MCTP1: variants seen among roughly 807,000 people sequenced by gnomAD.
The protein encoded by MCTP1 is multiple C2 and transmembrane domain-containing protein 1.
In MCTP1, 69 loss-of-function variants were observed where a neutral mutation model predicts 120.6. That is an observed-to-expected ratio of 0.57 (90% CI 0.47 to 0.70). The LOEUF (loss-of-function observed/expected upper bound fraction) is 0.70. MCTP1 is among the 30% of genes least tolerant of loss of function. MCTP1 has a pLI of 0.00. For synonymous variants in MCTP1, 529 were observed against 493.1 expected (o/e 1.07, Z -0.96); for missense variants, 1,203 against 1,248.8 (o/e 0.96, Z 0.55).
intron 2 of MCTP1, chr5:94,976,954 G>C (rs554219345): frequency 6.6e-6 from 1 of 152,110 alleles, no homozygotes; most frequent in African/African-American, 2.4e-5. Context: ...ATTCAACATA[G>C]GACTAGAAGT....
intron 19 of MCTP1, among the ~76,000 whole-genome samples, chr5:94,724,221 T>C (rs1420795782): frequency 1.3e-5 from 2 of 151,544 alleles, no homozygotes; most frequent in Non-Finnish European, 2.9e-5. Flanking sequence ...GGAGGGAGAG[T>C]TCCCTGGAGC....
chr5:94,867,710 G>T (rs1223331874), intron 17 of MCTP1: 1 of 241,020 alleles, frequency 4.1e-6, no homozygotes, highest in Non-Finnish European at 7.9e-6. Flanking sequence ...TCTGCCAGTT[G>T]GTCTCATCAG....
rs1012802017 is a variant in MCTP1, at chr5:94,705,460, T to C, written c.*2036A>G. The C allele has an allele frequency of 9.5e-5, 14 of 147,074 alleles. No homozygotes were observed. The highest frequency in any genetic ancestry group is 4.0e-4 in the East Asian group (2 of 5,002). 9.1% of individuals were successfully genotyped at this position (147,074 alleles called of 1,614,324 possible). A position where few individuals can be genotyped will look rare whatever the true frequency, so the allele number is the denominator to read the frequency against. ...AATCTGTTTTTCTCCAAGTGACATA[T>C]AGTTTTTAAGAATATGCACACAATC... On this transcript the variant is annotated 3_prime_UTR_variant, in exon 23 of 23. Coordinates refer to ENST00000515393, the MANE Select transcript of MCTP1 (RefSeq NM_024717.7).
chr5:94,778,474 G>A (rs1426662662), intron 19 of MCTP1, among the ~76,000 whole-genome samples: 2 of 152,000 alleles, frequency 1.3e-5, no homozygotes, highest in Non-Finnish European at 2.9e-5. Context: ...CCCCTCCCTA[G>A]GGGACAACCA....
intron 2 of MCTP1, among the ~76,000 whole-genome samples, chr5:94,956,114 C>T (rs1822546895): frequency 6.6e-6 from 1 of 152,202 alleles, no homozygotes; most frequent in African/African-American, 2.4e-5. Context: ...GCTGGTGATA[C>T]CCAGGCAAAC....
At chr5:95,203,200 T>A (rs1751263344) in intron 1 of MCTP1, among the ~76,000 whole-genome samples, 1 of 152,254 alleles carries the variant, frequency 6.6e-6, no homozygotes, top group South Asian at 2.1e-4. Context: ...GCCTATGTCA[T>A]ACACGTAGGT....
At chr5:94,927,255 T>G (rs1342037143) in intron 6 of MCTP1, among the ~76,000 whole-genome samples, 2 of 152,158 alleles carry the variant, frequency 1.3e-5, no homozygotes, top group South Asian at 4.1e-4. Context: ...TCAAAATATA[T>G]TCTTTGATAA....
chr5:94,862,136 CAGA>C (rs1332119883), intron 17 of MCTP1, among the ~76,000 whole-genome samples: 1 of 151,806 alleles, frequency 6.6e-6, no homozygotes, highest in Non-Finnish European at 1.5e-5. Context: ...AAATCACTCA[CAGA>C]AGAAAAGTTT....
chr5:94,946,903 CT>C (rs1378598287), intron 3 of MCTP1, among the ~76,000 whole-genome samples: 4 of 152,276 alleles, frequency 2.6e-5, no homozygotes, highest in South Asian at 4.1e-4. Context: ...GTTATTCACT[CT>C]GAATATTGTT....
At chr5:95,215,831 T>C (rs1752980300) in intron 1 of MCTP1, among the ~76,000 whole-genome samples, 1 of 152,140 alleles carries the variant, frequency 6.6e-6, no homozygotes, top group Non-Finnish European at 1.5e-5. Flanking sequence ...ACAAAACTTA[T>C]AAAATATCTA....
intron 2 of MCTP1, among the ~76,000 whole-genome samples, chr5:94,999,716 C>G (rs1833297796): frequency 6.6e-6 from 1 of 152,172 alleles, no homozygotes. Flanking sequence ...TGATATGACT[C>G]TATTTCATAG....
chr5:94,932,078 A>AAATGTTC lies in MCTP1; in HGVS notation c.1174-88_1174-87insGAACATT, dbSNP rs879543325. On this transcript the variant is annotated intron_variant, in intron 5 of 22. Coordinates refer to ENST00000515393, the MANE Select transcript of MCTP1 (RefSeq NM_024717.7). The stretch of plus-strand genomic sequence containing the variant: ...TTGTTTTTTAGCGGAAACATTTATT[A>AAATGTTC]GCCCTTGAAACAGCGAACAGTTCCT... The AAATGTTC allele has an allele frequency of 1.3e-4, 122 of 907,692 alleles. No homozygotes were observed. The East Asian group carries it at 3.0e-3, about 22-fold the overall frequency. The allele number at this position is 907,692 out of a possible 1,614,324, so 56.2% of individuals were successfully genotyped here. A position where few individuals can be genotyped will look rare whatever the true frequency, so the allele number is the denominator to read the frequency against.
chr5:94,915,299 A>G (rs1248574075), intron 8 of MCTP1, among the ~76,000 whole-genome samples: 1 of 152,188 alleles, frequency 6.6e-6, no homozygotes, highest in Non-Finnish European at 1.5e-5. Flanking sequence ...TCTCATCTTT[A>G]TTCCTGAGCT....
At chr5:94,958,516 G>A (rs910203124) in intron 2 of MCTP1, among the ~76,000 whole-genome samples, 4 of 152,058 alleles carry the variant, frequency 2.6e-5, no homozygotes, top group African/African-American at 9.7e-5. Context: ...CAGATAGACT[G>A]CTAGCCAGGA....
chr5:94,927,264 A>G (rs1250149672), intron 6 of MCTP1, among the ~76,000 whole-genome samples: 1 of 152,174 alleles, frequency 6.6e-6, no homozygotes, highest in Non-Finnish European at 1.5e-5. Flanking sequence ...ATTCTTTGAT[A>G]ATAGAAATAC....
At chr5:95,254,768 C>T (rs972117772) in intron 1 of MCTP1, among the ~76,000 whole-genome samples, 6 of 152,124 alleles carry the variant, frequency 3.9e-5, no homozygotes, top group Admixed American at 2.0e-4. Flanking sequence ...AGAGAACTTC[C>T]GGATGTAAAA....
At chr5:95,076,335 T>C (rs1753557126) in intron 1 of MCTP1, among the ~76,000 whole-genome samples, 1 of 151,746 alleles carries the variant, frequency 6.6e-6, no homozygotes, top group African/African-American at 2.4e-5. Flanking sequence ...ACATTAAGCA[T>C]AGCATTTTTC....
intron 19 of MCTP1, among the ~76,000 whole-genome samples, chr5:94,745,896 A>C (rs1196951310): frequency 1.3e-5 from 2 of 152,116 alleles, no homozygotes; most frequent in East Asian, 3.9e-4. Flanking sequence ...GGCCCTAAGA[A>C]CTTTCTGTCT....
At chr5:94,711,617 A>C (rs1380070699) in intron 20 of MCTP1, among the ~76,000 whole-genome samples, 1 of 152,116 alleles carries the variant, frequency 6.6e-6, no homozygotes, top group Non-Finnish European at 1.5e-5. Context: ...ATTCTGGCAA[A>C]AGTAATTGGT....
Sources: allele counts gnomAD v4.1 joint callset (sites outside exome capture counted in the v4.1 genomes callset), GRCh38; gene constraint gnomAD v4.1.1; transcripts MANE v1.5; gene names NCBI Gene and HGNC (gene_info 2026-07-23, HGNC 2026-07-21).